SP140: variants seen among roughly 807,000 people sequenced by gnomAD.
SP140 encodes the protein nuclear body protein SP140.
Under a neutral mutation model 125.0 loss-of-function variants are expected in SP140, and 81 were observed. That is an observed-to-expected ratio of 0.65 (90% CI 0.54 to 0.78). The LOEUF is 0.78. Among genes scored for constraint, SP140 ranks in the 30% least tolerant of loss-of-function variants. The pLI is 0.00. For missense variants in SP140, 858 were observed against 1,037.0 expected (o/e 0.83, Z 2.37); for synonymous variants, 312 against 354.0 (o/e 0.88, Z 1.33).
At chr2:230,257,884 G>C (rs544957722) in intron 12 of SP140, among the ~76,000 whole-genome samples, 10 of 152,180 alleles carry the variant, frequency 6.6e-5, no homozygotes, top group Non-Finnish European at 1.5e-4. Flanking sequence ...GAGAACGTTT[G>C]TGGAAGTGTG....
chr2:230,294,440 C>T lies in SP140; in HGVS notation c.2016+122C>T, dbSNP rs1401634424. On this transcript the variant is annotated intron_variant, in intron 21 of 26. Coordinates refer to ENST00000392045, the MANE Select transcript of SP140 (RefSeq NM_007237.5). ...TTAAGCTTTCACCTTCTTCACTACT[C>T]ACCTTAAAATACTTTTTGCATGTAT... 3 of 693,256 alleles carry T rather than the reference C, an allele frequency of 4.3e-6. No individual in the cohort carries two copies. In the East Asian group the frequency reaches 8.1e-5, roughly 19 times the overall value. The allele number at this position is 693,256 out of a possible 1,614,324, so 42.9% of individuals were successfully genotyped here.
chr2:230,289,037 C>T (rs557288205), intron 18 of SP140, among the ~76,000 whole-genome samples: 77 of 152,310 alleles, frequency 5.1e-4, no homozygotes, highest in South Asian at 8.3e-4. Flanking sequence ...CTTGAGGAAT[C>T]GCCACACTGT....
chr2:230,248,156 G>C, intron 8 of SP140, 91 bp downstream of exon 8: 1 of 1,228,688 alleles, frequency 8.1e-7, no homozygotes, highest in Non-Finnish European at 1.2e-6. Flanking sequence ...GTTTCTGACA[G>C]TCTCTATCAG....
At chr2:230,268,169 G>A (rs2053404410) in intron 12 of SP140, among the ~76,000 whole-genome samples, 1 of 152,276 alleles carries the variant, frequency 6.6e-6, no homozygotes, top group East Asian at 1.9e-4. Context: ...CCATCTGCCT[G>A]TAATATGACC....
chr2:230,190,780 G>A, the SP140 span, among the ~76,000 whole-genome samples: 20 of 152,278 alleles, frequency 1.3e-4, no homozygotes, highest in Non-Finnish European at 1.8e-4. Flanking sequence ...CATATGGATA[G>A]CCAGTTTTCC....
chr2:230,189,890 T>C, the SP140 span, among the ~76,000 whole-genome samples: 4 of 152,232 alleles, frequency 2.6e-5, no homozygotes, highest in Admixed American at 1.3e-4. Context: ...TTTTTATGGC[T>C]GCATAGTGTT....
chr2:230,274,974 T>G (rs2054501447), intron 15 of SP140, among the ~76,000 whole-genome samples: 1 of 152,150 alleles, frequency 6.6e-6, no homozygotes, highest in African/African-American at 2.4e-5. Flanking sequence ...TAAAAAAAAG[T>G]TTTATTTCAT....
At chr2:230,186,244 C>G in the SP140 span, 1 of 1,148,874 alleles carries the variant, frequency 8.7e-7, no homozygotes, top group Non-Finnish European at 1.3e-6. Flanking sequence ...ATAATTCTCT[C>G]TTTTCTTGTG....
intron 1 of SP140, chr2:230,208,083 A>G: frequency 1.5e-6 from 2 of 1,300,702 alleles, no homozygotes; most frequent in Non-Finnish European, 2.2e-6. Flanking sequence ...ATAATGTTTT[A>G]TAGTTACAAA....
Position 230,241,434 on chromosome 2 carries a change from A to G in SP140, c.437A>G (p.Asn146Ser). The change falls in exon 4 of 27, where the codon AAT (asparagine) becomes AGT (serine). Residue 146 changes from asparagine (N) to serine (S), a missense_variant. Coordinates refer to ENST00000392045, the MANE Select transcript of SP140 (RefSeq NM_007237.5). ...VCYEHSPLQM[N>S]NVNDLEDRPR... ...TATGAACACTCACCTCTCCAAATGA[A>G]TAATGTAAACGATTTAGAAGATAGA... 1 of 1,599,518 alleles carries G rather than the reference A, an allele frequency of 6.3e-7. No homozygotes were observed. Among genetic ancestry groups the G allele is most frequent in the Non-Finnish European group, 8.6e-7 (1 of 1,166,760 alleles).
Position 230,284,340 on chromosome 2 carries a change from T to C in SP140, c.1499-6T>C, listed in dbSNP as rs762205204. The C allele has an allele frequency of 6.2e-7, 1 of 1,604,100 alleles. No individual in the cohort carries two copies. The highest frequency in any genetic ancestry group is 8.5e-7 in the Non-Finnish European group (1 of 1,174,994). ...CATAATTAACTTTATTCTCTTTGGT[T>C]TGAAGGAAAAAAGAGGGGGCATGGC... On this transcript the variant is annotated splice_polypyrimidine_tract_variant and splice_region_variant and intron_variant, in intron 15 of 26. Coordinates refer to ENST00000392045, the MANE Select transcript of SP140 (RefSeq NM_007237.5).
At chr2:230,221,710 GC>G (rs1448727034), upstream of SP140, 1 of 1,535,922 alleles carries the variant, frequency 6.5e-7, no homozygotes, top group Admixed American at 2.0e-5. Flanking sequence ...CTTACCTGAA[GC>G]CCCTCCCCAT....
intron 1 of SP140, among the ~76,000 whole-genome samples, chr2:230,227,730 T>G (rs1184915751): frequency 2.6e-5 from 4 of 152,196 alleles, no homozygotes; most frequent in Non-Finnish European, 5.9e-5. Context: ...AGTTTTCCTT[T>G]ATTACCTTTC....
At position 230,211,454 on chromosome 2, in the gene SP140, A is replaced by G; in HGVS notation, c.-322-2200A>G. On this transcript the variant is annotated intron_variant, in intron 1 of 4. Transcript: ENST00000456542. The surrounding 1 kb of genome is among the most constrained non-coding windows in gnomAD (Gnocchi z 4.2). ...GAAACAAAGGCAAGCTTTTAGGTTG[A>G]CCAAACCAAGATTACCTGGCATAGA... 1 of 1,531,234 alleles carries G rather than the reference A, an allele frequency of 6.5e-7. No individual in the cohort carries two copies. Among genetic ancestry groups the G allele is most frequent in the Non-Finnish European group, 9.1e-7 (1 of 1,104,450 alleles). 94.9% of individuals were successfully genotyped at this position (1,531,234 alleles called of 1,614,324 possible).
At chr2:230,247,015 G>A (rs1265026125) in intron 7 of SP140, among the ~76,000 whole-genome samples, 1 of 152,158 alleles carries the variant, frequency 6.6e-6, no homozygotes, top group African/African-American at 2.4e-5. Context: ...GCCCAAGAAT[G>A]AGACATGTTA....
intron 22 of SP140, among the ~76,000 whole-genome samples, chr2:230,306,139 G>A (rs1399689842): frequency 6.6e-6 from 1 of 152,214 alleles, no homozygotes; most frequent in Non-Finnish European, 1.5e-5. Flanking sequence ...GTGGGTCCCT[G>A]TGCCCTGTGT....
At position 230,284,389 on chromosome 2, in the gene SP140, G is replaced by A. The variant is rs142957886; in HGVS notation, c.1542G>A (p.Arg514=). ...GCTGGAGCAGAATGAGAATGAGAAGGCAGGAAAACAGCCAACAAAATGGTA... is the reference window on the plus strand; with the variant it reads ...GCTGGAGCAGAATGAGAATGAGAAGACAGGAAAACAGCCAACAAAATGGTA... The part of the protein sequence containing the change: ...GHGWSRMRMR[R]QENSQQNDNS... Residue 514 remains arginine (R), a synonymous_variant, in exon 16 of 27, where the codon AGG becomes AGA. Coordinates refer to ENST00000392045, the MANE Select transcript of SP140 (RefSeq NM_007237.5). The A allele has an allele frequency of 6.2e-7, 1 of 1,608,926 alleles. No homozygotes were observed. The highest frequency in any genetic ancestry group is 1.3e-5 in the African/African-American group (1 of 74,624).
chr2:230,221,281 G>GA (rs113981247), upstream of SP140, among the ~76,000 whole-genome samples: 455 of 82,406 alleles, frequency 5.5e-3, 1 homozygote, highest in Non-Finnish European at 6.5e-3. Context: ...ACTCCATCTC[G>GA]AAAAAAAAAA....
In SP140 at chr2:230,253,312, T is replaced by C. The variant is rs759612784; in HGVS notation, c.1058-4T>C. ...TGTCCAAGTCACCCTCTGTGGTCTG[T>C]CAGTTTCTTGTTTATCTGCAGAGAC... is the stretch of plus-strand genomic sequence containing the variant. On this transcript the variant is annotated splice_region_variant and splice_polypyrimidine_tract_variant and intron_variant, in intron 10 of 26. Transcript: ENST00000392045. 2 of 1,602,188 alleles carry C rather than the reference T, an allele frequency of 1.2e-6. No individual in the cohort carries two copies. The highest frequency in any genetic ancestry group is 2.2e-5 in the South Asian group (2 of 90,824).
Sources: allele counts gnomAD v4.1 joint callset (sites outside exome capture counted in the v4.1 genomes callset), GRCh38; gene constraint gnomAD v4.1.1; non-coding constraint Gnocchi (gnomAD v3.1); transcripts MANE v1.5; gene names NCBI Gene and HGNC (gene_info 2026-07-23, HGNC 2026-07-21).